The following RTEL1 variants were observed in gnomAD, a reference collection of about 807,000 sequenced individuals.
RTEL1 encodes the protein regulator of telomere elongation helicase 1, also known as regulator of telomere length.
In RTEL1, 86 loss-of-function variants were observed where a neutral mutation model predicts 162.2. That is an observed-to-expected ratio of 0.53 (90% CI 0.45 to 0.63). The LOEUF is 0.63. RTEL1 is among the 30% of genes least tolerant of loss of function. RTEL1 has a pLI of 0.00. For synonymous variants in RTEL1, 958 were observed against 717.9 expected (o/e 1.33, Z -5.35); for missense variants, 1,941 against 1,750.2 (o/e 1.11, Z -1.95).
At chr20:63,686,175 C>T (rs1446720358) in intron 16 of RTEL1, 7 of 477,092 alleles carry the variant, frequency 1.5e-5, no homozygotes, top group South Asian at 8.4e-5. Context: ...CCGAGGCCGT[C>T]AGCACAGAGC....
Position 63,686,253 on chromosome 20 carries a change from C to T in RTEL1, c.1348+381C>T, listed in dbSNP as rs183721191. 420 of 316,140 alleles carry T rather than the reference C, an allele frequency of 1.3e-3. 2 individuals carry two copies. Among genetic ancestry groups the T allele is most frequent in the African/African-American group, 8.0e-3 (369 of 46,288 alleles). 19.6% of individuals were successfully genotyped at this position (316,140 alleles called of 1,614,324 possible). On this transcript the variant is annotated intron_variant, in intron 16 of 34. Coordinates refer to ENST00000360203, the MANE Select transcript of RTEL1 (RefSeq NM_001283009.2). ...GCCTGGCCGGGCCAAGCCTCAGGGT[C>T]ACATCTGAAGGGGGCCCGGCTGGCC...
At chr20:63,679,549 C>T (rs1201747805) in intron 12 of RTEL1, among the ~76,000 whole-genome samples, 1 of 152,152 alleles carries the variant, frequency 6.6e-6, no homozygotes, top group Non-Finnish European at 1.5e-5. Context: ...TCGTGCTGGC[C>T]AGGCCTCCTC....
At chr20:63,678,102 C>T (rs772385439) in intron 10 of RTEL1, 43 bp from the exon 11 acceptor site, 14 of 1,612,776 alleles carry the variant, frequency 8.7e-6, no homozygotes, top group Middle Eastern at 1.6e-4. Context: ...GTTGTTGGCA[C>T]GAGCGTGATG....
Position 63,668,676 on chromosome 20 carries a change from G to A in RTEL1, c.699+1123G>A, listed in dbSNP as rs1186588062. Among the ~76,000 whole-genome samples the A allele has an allele frequency of 6.6e-6, 1 of 152,118 alleles. No individual in the cohort carries two copies. Among genetic ancestry groups the A allele is most frequent in the Non-Finnish European group, 1.5e-5 (1 of 68,014 alleles). ...CAGAGAGCTGGTGAGGTTTGCCGTG[G>A]TTGTGGGTGACTCGGTGCTTTGAGC... is the stretch of plus-strand genomic sequence containing the variant. On this transcript the variant is annotated intron_variant, in intron 8 of 34. Transcript: ENST00000360203. The surrounding 1 kb of genome is among the most constrained non-coding windows in gnomAD (Gnocchi z 4.3).
At chr20:63,662,748 G>C (rs2090046271) in intron 5 of RTEL1, 81 bp from the exon 6 acceptor site, 10 of 1,595,506 alleles carry the variant, frequency 6.3e-6, no homozygotes, top group Non-Finnish European at 7.7e-6. Flanking sequence ...GACTGCAGGG[G>C]AGGACCTGGT....
rs1389731696 is a variant in RTEL1 at position 63,694,464 on chromosome 20, C to G, written c.3085C>G (p.Leu1029Val). ...GCACCTGAACCAGGGCAGGCCCCAC[C>G]TGTCGCCCAGGCCACCCCCAACAGG... Reference protein sequence around the residue: ...QEHLNQGRPHLSPRPPPTGDP... With the variant: ...QEHLNQGRPHVSPRPPPTGDP... Residue 1029 changes from leucine (L) to valine (V), a missense_variant, in exon 31 of 35, where the codon CTG becomes GTG. Coordinates refer to ENST00000360203, the MANE Select transcript of RTEL1 (RefSeq NM_001283009.2). 4 of 1,604,380 alleles carry G rather than the reference C, an allele frequency of 2.5e-6. No homozygotes were observed. The highest frequency in any genetic ancestry group is 3.4e-6 in the Non-Finnish European group (4 of 1,173,176).
At chr20:63,674,244 C>T in intron 10 of RTEL1, 151 bp downstream of exon 10, 1 of 1,394,942 alleles carries the variant, frequency 7.2e-7, no homozygotes, top group Non-Finnish European at 9.4e-7. Flanking sequence ...GGGCAGCCTG[C>T]CCTGTGGCTG....
chr20:63,661,775 G>A lies in RTEL1; in HGVS notation c.302-75G>A, dbSNP rs1043660833. The A allele has an allele frequency of 5.9e-6, 8 of 1,347,744 alleles. No individual in the cohort carries two copies. Among genetic ancestry groups the A allele is most frequent in the South Asian group, 2.3e-5 (2 of 85,234 alleles). 83.5% of individuals were successfully genotyped at this position (1,347,744 alleles called of 1,614,324 possible). ...GGCTGTCTGCAGGGCCGAGTTAGCC[G>A]AATGCCACCTGCCTTTGATACGTGA... is the stretch of plus-strand genomic sequence containing the variant. On this transcript the variant is annotated intron_variant, in intron 3 of 34. Transcript: ENST00000360203. The surrounding 1 kb of genome is among the most constrained non-coding windows in gnomAD (Gnocchi z 5.1).
At chr20:63,666,438 T>G (rs1471909534) in intron 7 of RTEL1, among the ~76,000 whole-genome samples, 2 of 152,246 alleles carry the variant, frequency 1.3e-5, no homozygotes, top group African/African-American at 4.8e-5. Flanking sequence ...CAGCTCGGCC[T>G]TGTTCTTTTG....
At chr20:63,665,936 C>T (rs2090117298) in intron 6 of RTEL1, 68 bp from the exon 7 acceptor site, 6 of 1,465,428 alleles carry the variant, frequency 4.1e-6, no homozygotes, top group Non-Finnish European at 4.8e-6. Flanking sequence ...CTGTCCTGGG[C>T]ATCCCCCTGT....
rs548041628 is a variant in RTEL1 at position 63,676,000 on chromosome 20, G to T, written c.919+1907G>T. Among the ~76,000 whole-genome samples the T allele has an allele frequency of 6.7e-4, 102 of 152,334 alleles. 2 individuals carry two copies. In the South Asian group the frequency reaches 8.1e-3, roughly 12 times the overall value. The stretch of plus-strand genomic sequence containing the variant: ...TGCAGGGCTTTTTGTTGTAACTAGT[G>T]GGGGACGTGTGGTGGGGTGGGCTTC... On this transcript the variant is annotated intron_variant, in intron 10 of 34. Coordinates refer to ENST00000360203, the MANE Select transcript of RTEL1 (RefSeq NM_001283009.2).
chr20:63,690,475 G>C, intron 26 of RTEL1, 34 bp downstream of exon 26: 1 of 1,520,304 alleles, frequency 6.6e-7, no homozygotes, highest in Non-Finnish European at 8.8e-7. Context: ...GGCGGTGTGG[G>C]GGTGGCGGAG....
At chr20:63,679,541 G>A (rs556568750) in intron 12 of RTEL1, among the ~76,000 whole-genome samples, 2 of 152,142 alleles carry the variant, frequency 1.3e-5, no homozygotes, top group East Asian at 1.9e-4. Flanking sequence ...TGCTGTTCTC[G>A]TGCTGGCCAG....
rs1350870028 is a variant in RTEL1, at chr20:63,694,762, A to C, written c.3131A>C (p.Gln1044Pro). 3.1e-6 allele frequency: 5 copies of C among 1,607,538 alleles called. No individual in the cohort carries two copies. The highest frequency in any genetic ancestry group is 4.2e-6 in the Non-Finnish European group (5 of 1,176,828). ...PPTGDPGSQPQWGSGVPRAGK... is the reference protein window; with the variant it reads ...PPTGDPGSQPPWGSGVPRAGK... The stretch of plus-strand genomic sequence containing the variant: ...CCAGGAGACCCTGGCAGCCAACCAC[A>C]GTGGGGGTCTGGAGTGCCCAGAGCA... Residue 1044 changes from glutamine to proline, a missense_variant, in exon 32 of 35, where the codon CAG (glutamine) becomes CCG (proline). Transcript: ENST00000360203.
intron 9 of RTEL1, among the ~76,000 whole-genome samples, chr20:63,673,018 A>T (rs988621256): frequency 2.0e-5 from 3 of 152,012 alleles, no homozygotes; most frequent in Admixed American, 2.0e-4. Context: ...AATCGCTTGA[A>T]CCTTGGAGGC....
chr20:63,680,532 C>T, intron 13 of RTEL1, 132 bp from the exon 14 acceptor site: 2 of 939,478 alleles, frequency 2.1e-6, no homozygotes, highest in Non-Finnish European at 3.3e-6. Flanking sequence ...CTGCGCTCCA[C>T]CCTGGGCCCC....
intron 14 of RTEL1, chr20:63,681,632 C>G (rs2090479258): frequency 1.0e-6 from 1 of 985,358 alleles, no homozygotes; most frequent in Non-Finnish European, 1.2e-6. Flanking sequence ...GCTGCAGATC[C>G]CGGAACAAGC....
rs369417111 is a variant in RTEL1, at chr20:63,694,507, G to A, written c.3109+19G>A. ...CCAACAGGTAGCTGACTCCTGAACCGTGTGCAGCCTACGACTTGGTGGGTC... is the reference window on the plus strand; with the variant it reads ...CCAACAGGTAGCTGACTCCTGAACCATGTGCAGCCTACGACTTGGTGGGTC... On this transcript the variant is annotated intron_variant, in intron 31 of 34. Coordinates refer to ENST00000360203, the MANE Select transcript of RTEL1 (RefSeq NM_001283009.2). 3.3e-5 allele frequency: 51 copies of A among 1,556,902 alleles called. No individual in the cohort carries two copies. Among genetic ancestry groups the A allele is most frequent in the African/African-American group, 4.1e-5 (3 of 73,664 alleles).
intron 14 of RTEL1, chr20:63,682,553 C>T (rs2090499639): frequency 1.0e-6 from 1 of 985,818 alleles, no homozygotes; most frequent in Non-Finnish European, 1.2e-6. Flanking sequence ...GGCTGCTGCT[C>T]TAAGTAGCCG....
Sources: gnomAD v4.1 joint callset for allele counts (sites outside exome capture counted in the v4.1 genomes callset) on GRCh38, gnomAD v4.1.1 for gene constraint, Gnocchi (gnomAD v3.1) non-coding constraint, MANE v1.5 for transcripts, NCBI Gene and HGNC (gene_info 2026-07-23, HGNC 2026-07-21) for gene names.